The following SPG7 variants were observed in gnomAD, a reference collection of about 807,000 sequenced individuals.
The protein encoded by SPG7 is mitochondrial inner membrane m-AAA protease component paraplegin.
SPG7 carries 103 observed loss-of-function variants against 81.9 expected under a neutral mutation model. The observed-to-expected ratio is 1.26, with a 90% CI of 1.07 to 1.48. SPG7 has a LOEUF of 1.48. Among genes scored for constraint, SPG7 ranks in the 40% most tolerant of loss-of-function variants. The pLI is 0.00. For synonymous variants in SPG7, 534 were observed against 444.2 expected, an observed-to-expected ratio of 1.20 and a Z score of -2.54; for missense variants, 1,241 against 1,087.3, an observed-to-expected ratio of 1.14 and a Z score of -1.99.
intron 6 of SPG7, chr16:89,529,788 A>C (rs1394769524): frequency 1.6e-6 from 1 of 624,064 alleles, no homozygotes; most frequent in East Asian, 2.8e-5. Context: ...CTCACCCCTA[A>C]CTCTGGGGTG....
chr16:89,542,036 A>G (rs2058502877), intron 9 of SPG7: 1 of 150,990 alleles, frequency 6.6e-6, no homozygotes, highest in African/African-American at 2.4e-5. Flanking sequence ...ATCCTGACAC[A>G]TAGCCCGGTG....
chr16:89,530,931 AC>A, intron 7 of SPG7, 123 bp downstream of exon 7: 1 of 1,330,412 alleles, frequency 7.5e-7, no homozygotes, highest in Non-Finnish European at 1.1e-6. Flanking sequence ...GGTGACCTCT[AC>A]CATGTCCCAT....
At chr16:89,530,616 G>T in intron 6 of SPG7, 67 bp from the exon 7 acceptor site, 1 of 1,607,574 alleles carries the variant, frequency 6.2e-7, no homozygotes, top group Non-Finnish European at 8.5e-7. Flanking sequence ...CGTGGGCTGA[G>T]CGCTGGCATC....
At chr16:89,522,034 T>G (rs1450579652) in intron 3 of SPG7, 2 of 152,172 alleles carry the variant, frequency 1.3e-5, no homozygotes, top group Non-Finnish European at 2.9e-5. Flanking sequence ...AATTGGTAAT[T>G]AAATATTGGA....
chr16:89,513,329 C>G (rs1034538254), intron 3 of SPG7, among the ~76,000 whole-genome samples: 3 of 151,752 alleles, frequency 2.0e-5, no homozygotes, highest in African/African-American at 7.3e-5. Flanking sequence ...GCACCCTGGC[C>G]AACATGGTGA....
intron 16 of SPG7, 179 bp from the exon 17 acceptor site, chr16:89,556,708 T>G: frequency 1.4e-5 from 9 of 647,090 alleles, no homozygotes; most frequent in Admixed American, 2.6e-5. Flanking sequence ...TTTATGAGGT[T>G]GAGATGGGGG....
Position 89,532,360 on chromosome 16 carries a change from G to C in SPG7, c.1151-103G>C. ...CTGTTTGTAGGGAATGGAGCTGGTAGCTTTAGTTGTCCTTGGTGTAGAACT... is the reference window on the plus strand; with the variant it reads ...CTGTTTGTAGGGAATGGAGCTGGTACCTTTAGTTGTCCTTGGTGTAGAACT... On this transcript the variant is annotated intron_variant, in intron 8 of 16. Transcript: ENST00000645818. The C allele has an allele frequency of 2.1e-6, 3 of 1,399,070 alleles. No individual in the cohort carries two copies. In the South Asian group the frequency reaches 3.5e-5, roughly 16 times the overall value. 86.7% of individuals were successfully genotyped at this position (1,399,070 alleles called of 1,614,324 possible). A position where few individuals can be genotyped will look rare whatever the true frequency, so the allele number is the denominator to read the frequency against.
intron 4 of SPG7, among the ~76,000 whole-genome samples, chr16:89,526,047 C>T (rs781635350): frequency 4.6e-5 from 7 of 152,134 alleles, no homozygotes; most frequent in Non-Finnish European, 1.0e-4. Context: ...TACAGATGTT[C>T]CTTGAATTAG....
intron 9 of SPG7, 43 bp from the exon 10 acceptor site, chr16:89,544,605 A>G (rs1301313118): frequency 1.2e-6 from 2 of 1,612,436 alleles, no homozygotes; most frequent in South Asian, 1.1e-5. Context: ...CTGTTGTGTC[A>G]GGACCCCTAC....
chr16:89,529,791 CTG>C lies in SPG7; in HGVS notation c.861+213_861+214del, dbSNP rs2058316093. 1.6e-5 allele frequency: 10 copies of C among 621,904 alleles called. 1 individual carries two copies. The African/African-American group carries it at 1.6e-4, about 10-fold the overall frequency. 38.5% of individuals were successfully genotyped at this position (621,904 alleles called of 1,614,324 possible). On this transcript the variant is annotated intron_variant, in intron 6 of 16. Transcript: ENST00000645818. ...GCCTGAGGGCCTCTCACCCCTAACT[CTG>C]GGGTGCCTGAGCCTTGTGAGATTAC...
intron 9 of SPG7, chr16:89,538,310 A>G (rs1387932373): frequency 6.6e-6 from 1 of 152,128 alleles, no homozygotes; most frequent in Non-Finnish European, 1.5e-5. Context: ...TCACCACTCC[A>G]TGTGGAAGTC....
intron 10 of SPG7, 78 bp from the exon 11 acceptor site, chr16:89,546,580 C>CT: frequency 2.1e-6 from 2 of 956,702 alleles, no homozygotes; most frequent in African/African-American, 1.6e-5. Flanking sequence ...GACCCCCCCC[C>CT]CCCACAGACA....
chr16:89,532,407 A>G, intron 8 of SPG7, 56 bp from the exon 9 acceptor site: 2 of 1,591,492 alleles, frequency 1.3e-6, no homozygotes, highest in Non-Finnish European at 8.6e-7. Context: ...GGGTACAGGA[A>G]GAGGCTTTGT....
At chr16:89,542,727 G>A (rs772626713) in intron 9 of SPG7, among the ~76,000 whole-genome samples, 1 of 152,072 alleles carries the variant, frequency 6.6e-6, no homozygotes, top group Non-Finnish European at 1.5e-5. Flanking sequence ...AGCGTTCAAG[G>A]TCCTGTCCTA....
At chr16:89,536,637 C>T (rs1455212642) in intron 9 of SPG7, 126 of 1,075,762 alleles carry the variant, frequency 1.2e-4, no homozygotes, top group Non-Finnish European at 1.4e-4. Context: ...GCGGGTGAGG[C>T]GGGCGAGGTG....
intron 5 of SPG7, chr16:89,526,948 CGTAGGATGG>C: frequency 4.4e-6 from 1 of 225,490 alleles, no homozygotes; most frequent in African/African-American, 2.4e-5. Context: ...CAGCCCCCGA[CGTAGGATGG>C]CGAAGTCTCA....
chr16:89,527,897 A>T (rs1368596049), intron 5 of SPG7, among the ~76,000 whole-genome samples: 1 of 151,478 alleles, frequency 6.6e-6, no homozygotes, highest in Non-Finnish European at 1.5e-5. Context: ...CAAGTTCGAG[A>T]CCAGTCTGGG....
At chr16:89,545,935 C>T in intron 10 of SPG7, 1 of 452,626 alleles carries the variant, frequency 2.2e-6, no homozygotes, top group Non-Finnish European at 4.4e-6. Flanking sequence ...TCACTGCGGC[C>T]TCAACCTTCA....
intron 6 of SPG7, chr16:89,530,414 G>A (rs1014679150): frequency 4.1e-6 from 2 of 493,304 alleles, no homozygotes; most frequent in Non-Finnish European, 3.7e-6. Flanking sequence ...AAAGTGCTAG[G>A]ATTACAGGCG....
Sources: gnomAD v4.1 joint callset for allele counts (sites outside exome capture counted in the v4.1 genomes callset) on GRCh38, gnomAD v4.1.1 for gene constraint, MANE v1.5 for transcripts, NCBI Gene and HGNC (gene_info 2026-07-23, HGNC 2026-07-21) for gene names.